The following PPP3CA variants were observed in gnomAD, a reference collection of about 807,000 sequenced individuals.
The protein encoded by PPP3CA is CAM-PRP catalytic subunit.
In PPP3CA, 14 loss-of-function variants were observed where a neutral mutation model predicts 66.5. That is an observed-to-expected ratio of 0.21 (90% CI 0.14 to 0.33). The LOEUF is 0.33. Among genes scored for constraint, PPP3CA ranks in the 10% least tolerant of loss-of-function variants. The probability of loss-of-function intolerance (pLI) is 1.00; values close to 1 mark genes in which losing one functional copy is unlikely to be tolerated. For missense variants in PPP3CA, 317 were observed against 639.5 expected, an observed-to-expected ratio of 0.50 and a Z score of 5.44; for synonymous variants, 232 against 226.2, an observed-to-expected ratio of 1.03 and a Z score of -0.23.
intron 1 of PPP3CA, among the ~76,000 whole-genome samples, chr4:101,317,446 C>T (rs2110317742): frequency 6.6e-6 from 1 of 152,112 alleles, no homozygotes; most frequent in East Asian, 1.9e-4. Context: ...TAATGCAAGA[C>T]TAAACATTCC....
intron 1 of PPP3CA, among the ~76,000 whole-genome samples, chr4:101,218,575 T>C (rs1422853447): frequency 3.3e-5 from 5 of 151,990 alleles, no homozygotes; most frequent in Non-Finnish European, 7.4e-5. Context: ...CTAGGAAAGC[T>C]GAATAATAAT....
rs547305845 is a variant in PPP3CA, at chr4:101,196,185, C to T, written c.59-69G>A. 11 of 1,394,558 alleles carry T rather than the reference C, an allele frequency of 7.9e-6. 1 individual carries two copies. Among genetic ancestry groups the T allele is most frequent in the Non-Finnish European group, 1.1e-5 (11 of 1,009,156 alleles). 86.4% of individuals were successfully genotyped at this position (1,394,558 alleles called of 1,614,324 possible). A position where few individuals can be genotyped will look rare whatever the true frequency, so the allele number is the denominator to read the frequency against. On this transcript the variant is annotated intron_variant, in intron 1 of 13. Transcript: ENST00000394854. ...CAACAAACAATGCAATAATAACCAC[C>T]AAATATCCATCCTCATCACAAACCA...
intron 2 of PPP3CA, among the ~76,000 whole-genome samples, chr4:101,174,179 A>G (rs554481433): frequency 8.6e-4 from 131 of 152,188 alleles, no homozygotes; most frequent in African/African-American, 3.0e-3. Context: ...TCAACTTTAT[A>G]TTTTCAAAAT....
intron 1 of PPP3CA, among the ~76,000 whole-genome samples, chr4:101,213,982 G>A (rs551175159): frequency 3.7e-4 from 56 of 152,148 alleles, no homozygotes; most frequent in African/African-American, 1.3e-3. Flanking sequence ...AGATGTAGGC[G>A]CTCCCATCTT....
chr4:101,090,894 A>G (rs1037361845), intron 6 of PPP3CA, among the ~76,000 whole-genome samples: 1 of 117,082 alleles, frequency 8.5e-6, no homozygotes, highest in Non-Finnish European at 1.8e-5. Context: ...TAATATACAC[A>G]CATATCTGTG....
intron 1 of PPP3CA, among the ~76,000 whole-genome samples, chr4:101,312,359 A>T (rs1260200494): frequency 1.3e-5 from 2 of 152,100 alleles, no homozygotes; most frequent in Non-Finnish European, 2.9e-5. Context: ...GTCTGTATAT[A>T]AATTATAACT....
intron 2 of PPP3CA, among the ~76,000 whole-genome samples, chr4:101,119,810 C>G (rs915988360): frequency 2.0e-4 from 31 of 152,028 alleles, no homozygotes; most frequent in Non-Finnish European, 4.4e-4. Flanking sequence ...TCAGCTCCAT[C>G]TAATTTCCAG....
intron 2 of PPP3CA, among the ~76,000 whole-genome samples, chr4:101,191,986 C>A (rs895079737): frequency 2.0e-5 from 3 of 152,184 alleles, no homozygotes; most frequent in Non-Finnish European, 2.9e-5. Flanking sequence ...GCCCAGAGAG[C>A]AGAACATGAG....
chr4:101,113,036 G>C (rs567098385), intron 2 of PPP3CA, among the ~76,000 whole-genome samples: 3 of 152,238 alleles, frequency 2.0e-5, no homozygotes, highest in African/African-American at 7.2e-5. Context: ...GATAGAGATT[G>C]ACAAGTTTGT....
chr4:101,309,217 G>A (rs1728641627), intron 1 of PPP3CA, among the ~76,000 whole-genome samples: 1 of 152,054 alleles, frequency 6.6e-6, no homozygotes. Flanking sequence ...TTGATAGCAA[G>A]GCCTTTGTCA....
At chr4:101,300,670 G>A (rs1450454517) in intron 1 of PPP3CA, among the ~76,000 whole-genome samples, 2 of 151,994 alleles carry the variant, frequency 1.3e-5, no homozygotes, top group African/African-American at 4.8e-5. Context: ...GGTGACACAC[G>A]CCTGCAGTTT....
intron 2 of PPP3CA, among the ~76,000 whole-genome samples, chr4:101,178,517 T>C (rs1724136043): frequency 6.6e-6 from 1 of 152,116 alleles, no homozygotes; most frequent in South Asian, 2.1e-4. Context: ...CTGTCTCCCA[T>C]TGACCTCTAC....
chr4:101,099,795 A>C, intron 3 of PPP3CA, 73 bp from the exon 4 acceptor site: 20 of 770,460 alleles, frequency 2.6e-5, no homozygotes, highest in Non-Finnish European at 3.5e-5. Flanking sequence ...CTCACATATC[A>C]TAAAGACATG....
At chr4:101,041,503 C>T (rs921446991) in intron 10 of PPP3CA, among the ~76,000 whole-genome samples, 3 of 128,234 alleles carry the variant, frequency 2.3e-5, no homozygotes, top group Non-Finnish European at 3.1e-5. Flanking sequence ...GGTGCGATTT[C>T]GGCTCACTGC....
chr4:101,231,576 C>T (rs1348268980), intron 1 of PPP3CA, among the ~76,000 whole-genome samples: 1 of 151,504 alleles, frequency 6.6e-6, no homozygotes, highest in East Asian at 1.9e-4. Context: ...CTATAGAAGG[C>T]TTTGATGAAA....
At chr4:101,263,738 T>C (rs944979939) in intron 1 of PPP3CA, among the ~76,000 whole-genome samples, 1 of 152,096 alleles carries the variant, frequency 6.6e-6, no homozygotes, top group Admixed American at 6.6e-5. Flanking sequence ...TTGATTAAAT[T>C]GTCAGTTCTT....
At position 101,063,090 on chromosome 4, in the gene PPP3CA, C is replaced by T. The variant is rs539208392; in HGVS notation, c.1081+142G>A. The T allele has an allele frequency of 8.9e-5, 89 of 1,001,352 alleles. No individual in the cohort carries two copies. The South Asian group carries it at 1.2e-3, about 14-fold the overall frequency. 62.0% of individuals were successfully genotyped at this position (1,001,352 alleles called of 1,614,324 possible). ...TAATAGGATACAGAGTGACACACTG[C>T]CACTTCCAAATCACATCTTTCATTG... On this transcript the variant is annotated intron_variant, in intron 9 of 13. Coordinates refer to ENST00000394854, the MANE Select transcript of PPP3CA (RefSeq NM_000944.5).
chr4:101,326,323 T>C (rs923175283), intron 1 of PPP3CA, among the ~76,000 whole-genome samples: 2 of 152,190 alleles, frequency 1.3e-5, no homozygotes, highest in Non-Finnish European at 2.9e-5. Context: ...CATGAGAAAA[T>C]TATTTAGCAT....
rs112849260 is a variant in PPP3CA at position 101,032,145 on chromosome 4, TG to T, written c.1339+121del. The stretch of plus-strand genomic sequence containing the variant: ...AAACTGATTGGGGTTTCAGCCCTTC[TG>T]CCAGCTGAGAAGAAGAACCGAAGAC... On this transcript the variant is annotated intron_variant, in intron 12 of 13. Transcript: ENST00000394854. 3,243 of 667,776 alleles carry T rather than the reference TG, an allele frequency of 4.9e-3. 73 individuals carry two copies. In the African/African-American group the frequency reaches 0.051, roughly 11 times the overall value. 41.4% of individuals were successfully genotyped at this position (667,776 alleles called of 1,614,324 possible). A position where few individuals can be genotyped will look rare whatever the true frequency, so the allele number is the denominator to read the frequency against.
Sources: allele counts gnomAD v4.1 joint callset (sites outside exome capture counted in the v4.1 genomes callset), GRCh38; gene constraint gnomAD v4.1.1; transcripts MANE v1.5; gene names NCBI Gene and HGNC (gene_info 2026-07-23, HGNC 2026-07-21).